The following EFHD1 variants were observed in gnomAD, a reference collection of about 807,000 sequenced individuals.
EFHD1 encodes the protein EF-hand domain-containing protein D1.
In EFHD1, 10 loss-of-function variants were observed where a neutral mutation model predicts 17.2. The ratio of observed to expected loss-of-function variants is 0.58; its 90% CI spans 0.36 to 0.99. The LOEUF is 0.99. Ranked by LOEUF, EFHD1 falls within the 50% of genes least tolerant of loss-of-function variation. EFHD1 has a pLI of 0.01. For synonymous variants in EFHD1, 153 were observed against 142.0 expected, an observed-to-expected ratio of 1.08 and a Z score of -0.55; for missense variants, 310 against 327.5, an observed-to-expected ratio of 0.95 and a Z score of 0.41.
intron 1 of EFHD1, among the ~76,000 whole-genome samples, chr2:232,619,107 C>A (rs548874105): frequency 6.6e-6 from 1 of 150,628 alleles, no homozygotes; most frequent in African/African-American, 2.4e-5. Context: ...GAGCCGAGAT[C>A]GCGCCATTGC....
At chr2:232,648,006 G>A (rs1328362034) in intron 1 of EFHD1, among the ~76,000 whole-genome samples, 6 of 152,282 alleles carry the variant, frequency 3.9e-5, no homozygotes, top group South Asian at 2.1e-4. Context: ...TTGGGAGGCC[G>A]AGGCAAGAGG....
chr2:232,672,576 G>A, intron 3 of EFHD1, 133 bp downstream of exon 3: 1 of 1,294,864 alleles, frequency 7.7e-7, no homozygotes, highest in Non-Finnish European at 1.1e-6. Flanking sequence ...CCAGTGCTCT[G>A]CCAACCAGCA....
intron 3 of EFHD1, among the ~76,000 whole-genome samples, chr2:232,673,721 A>C (rs1318818998): frequency 6.6e-6 from 1 of 152,122 alleles, no homozygotes; most frequent in Non-Finnish European, 1.5e-5. Flanking sequence ...AAAAGTATAA[A>C]TTAACCCAGC....
chr2:232,679,759 T>C (rs754909392), intron 3 of EFHD1, among the ~76,000 whole-genome samples: 63 of 144,224 alleles, frequency 4.4e-4, no homozygotes, highest in Non-Finnish European at 8.6e-4. Context: ...AAAGATAATA[T>C]AATAACTGAA....
In EFHD1 at chr2:232,655,000, G is replaced by A. The variant is rs1055226892; in HGVS notation, c.303-7802G>A. On this transcript the variant is annotated intron_variant, in intron 1 of 3. Transcript: ENST00000264059. ...AGGCTTTTCAGTTCCTCCCTTACTC[G>A]CTTCACTCTCCTTCCTTTCTGCTCA... Among the ~76,000 whole-genome samples the A allele has an allele frequency of 2.0e-5, 3 of 152,124 alleles. No homozygotes were observed. In the Middle Eastern group the frequency reaches 0.01, roughly 517 times the overall value.
At chr2:232,673,018 C>T (rs1264632131) in intron 3 of EFHD1, among the ~76,000 whole-genome samples, 1 of 152,232 alleles carries the variant, frequency 6.6e-6, no homozygotes, top group Non-Finnish European at 1.5e-5. Context: ...TAAACACTGG[C>T]ACCATGTGTC....
At chr2:232,647,546 C>G (rs965863848) in intron 1 of EFHD1, among the ~76,000 whole-genome samples, 10 of 152,184 alleles carry the variant, frequency 6.6e-5, no homozygotes, top group Admixed American at 2.6e-4. Flanking sequence ...CATCTGTTCC[C>G]TGATATCCAC....
At chr2:232,663,965 TA>T (rs1162687714) in intron 2 of EFHD1, among the ~76,000 whole-genome samples, 1 of 151,966 alleles carries the variant, frequency 6.6e-6, no homozygotes, top group African/African-American at 2.4e-5. Context: ...GCTAATTTTT[TA>T]AAATTTTTGT....
At chr2:232,672,544 G>A (rs943413878) in intron 3 of EFHD1, 101 bp downstream of exon 3, 13 of 1,488,634 alleles carry the variant, frequency 8.7e-6, no homozygotes, top group African/African-American at 5.6e-5. Context: ...CACACCTGCA[G>A]AAACAGACCA....
upstream of EFHD1, among the ~76,000 whole-genome samples, chr2:232,632,229 T>G (rs980475041): frequency 1.3e-5 from 2 of 152,204 alleles, no homozygotes; most frequent in Non-Finnish European, 2.9e-5. Flanking sequence ...CCAAGTCAAG[T>G]TGTTCAGTAG....
At chr2:232,679,628 C>T (rs747518724) in intron 3 of EFHD1, among the ~76,000 whole-genome samples, 2 of 150,212 alleles carry the variant, frequency 1.3e-5, no homozygotes, top group Admixed American at 6.7e-5. Flanking sequence ...GTAGGAGGAT[C>T]GCTTGAGCTC....
chr2:232,677,291 ACACG>A (rs1203137691), intron 3 of EFHD1, among the ~76,000 whole-genome samples: 3 of 138,874 alleles, frequency 2.2e-5, no homozygotes, highest in African/African-American at 7.8e-5. Flanking sequence ...ACACACACAC[ACACG>A]TACACACACA....
intron 1 of EFHD1, among the ~76,000 whole-genome samples, chr2:232,651,371 A>G (rs1286585134): frequency 6.6e-6 from 1 of 152,244 alleles, no homozygotes; most frequent in Non-Finnish European, 1.5e-5. Flanking sequence ...AATGAAGAAA[A>G]CAAATCCACC....
intron 1 of EFHD1, among the ~76,000 whole-genome samples, chr2:232,608,653 G>C (rs957046837): frequency 3.9e-5 from 6 of 152,134 alleles, no homozygotes; most frequent in African/African-American, 1.4e-4. Flanking sequence ...GAAAACAGCC[G>C]GGCCCAGTGG....
chr2:232,641,073 C>G (rs999527885), intron 1 of EFHD1, among the ~76,000 whole-genome samples: 1 of 152,166 alleles, frequency 6.6e-6, no homozygotes, highest in African/African-American at 2.4e-5. Flanking sequence ...AACAGGGTCT[C>G]TCTCTGTCAC....
At chr2:232,672,999 A>T (rs556671314) in intron 3 of EFHD1, among the ~76,000 whole-genome samples, 1 of 152,318 alleles carries the variant, frequency 6.6e-6, no homozygotes, top group Admixed American at 6.5e-5. Context: ...CCAACCACTC[A>T]TTGCGCCTTA....
intron 1 of EFHD1, chr2:232,650,263 G>A (rs1321037443): frequency 6.6e-6 from 1 of 150,852 alleles, no homozygotes; most frequent in Non-Finnish European, 1.5e-5. Flanking sequence ...CTTTTTACGG[G>A]TAGTTTTTCT....
At chr2:232,625,303 A>ATTT (rs3085874) in intron 1 of EFHD1, among the ~76,000 whole-genome samples, 20 of 141,906 alleles carry the variant, frequency 1.4e-4, no homozygotes, top group South Asian at 4.6e-4. Flanking sequence ...TAATTTAAAC[A>ATTT]TTTTTTTTTT....
chr2:232,668,853 C>T (rs1453097880), intron 2 of EFHD1, among the ~76,000 whole-genome samples: 17 of 151,988 alleles, frequency 1.1e-4, no homozygotes, highest in African/African-American at 3.4e-4. Context: ...ATGCTGGTCT[C>T]GAACTCCGGA....
Sources: allele counts gnomAD v4.1 joint callset (sites outside exome capture counted in the v4.1 genomes callset), GRCh38; gene constraint gnomAD v4.1.1; transcripts MANE v1.5; gene names NCBI Gene and HGNC (gene_info 2026-07-23, HGNC 2026-07-21).